The following ZNF503 variants were observed in gnomAD, a reference collection of about 807,000 sequenced individuals.
The protein encoded by ZNF503 is NocA-like zinc finger 2.
Under a neutral mutation model 34.4 loss-of-function variants are expected in ZNF503, and 15 were observed. The observed-to-expected ratio is 0.44, with a 90% CI of 0.29 to 0.67. The LOEUF (loss-of-function observed/expected upper bound fraction) is 0.67. ZNF503 is among the 30% of genes least tolerant of loss of function. The probability of loss-of-function intolerance (pLI) is 0.13; values close to 1 mark genes in which losing one functional copy is unlikely to be tolerated. For missense variants in ZNF503, 1,007 were observed against 926.8 expected, an observed-to-expected ratio of 1.09 and a Z score of -1.12; for synonymous variants, 580 against 456.8, an observed-to-expected ratio of 1.27 and a Z score of -3.44.
chr10:75,401,137 G>A lies in ZNF503; in HGVS notation c.283C>T (p.Pro95Ser), dbSNP rs752574413. Residue 95 changes from proline (P) to serine (S), a missense_variant, in exon 1 of 2, where the codon CCC (proline) becomes TCC (serine). Coordinates refer to ENST00000372524, the MANE Select transcript of ZNF503 (RefSeq NM_032772.6). ...GHILHPEYLQ[P>S]LPSTPVSPIE... is the part of the protein sequence containing the mutation. Reference sequence around the variant, plus strand: ...GGGCTGACCGGCGTGGAAGGCAGGGGCTGCAGGTACTCGGGGTGCAAAATG... The same window carrying A: ...GGGCTGACCGGCGTGGAAGGCAGGGACTGCAGGTACTCGGGGTGCAAAATG... 6.8e-6 allele frequency: 11 copies of A among 1,612,944 alleles called. No homozygotes were observed. The highest frequency in any genetic ancestry group is 9.3e-6 in the Non-Finnish European group (11 of 1,179,620).
chr10:75,281,859 C>A, the ZNF503 span, among the ~76,000 whole-genome samples: 1 of 152,212 alleles, frequency 6.6e-6, no homozygotes, highest in Non-Finnish European at 1.5e-5. Context: ...TTGAGGTAGG[C>A]AGACCCCAGA....
At chr10:75,326,649 A>ATT in the ZNF503 span, among the ~76,000 whole-genome samples, 6 of 147,146 alleles carry the variant, frequency 4.1e-5, no homozygotes, top group Admixed American at 2.0e-4. Context: ...TTATTGTTTT[A>ATT]TTTTTTTTTC....
chr10:75,378,390 C>G, the ZNF503 span, among the ~76,000 whole-genome samples: 1 of 152,164 alleles, frequency 6.6e-6, no homozygotes, highest in Non-Finnish European at 1.5e-5. Flanking sequence ...CCAAGCACCA[C>G]AGCCCTGGTG....
At chr10:75,392,005 A>C in the ZNF503 span, among the ~76,000 whole-genome samples, 1 of 152,196 alleles carries the variant, frequency 6.6e-6, no homozygotes. Flanking sequence ...GCGTTCCAGA[A>C]GGAGGTCACA....
the ZNF503 span, among the ~76,000 whole-genome samples, chr10:75,375,194 C>T: frequency 1.3e-5 from 2 of 152,138 alleles, no homozygotes; most frequent in South Asian, 2.1e-4. Flanking sequence ...AATCTCAGCT[C>T]ACTGCAACCC....
chr10:75,362,870 C>T, the ZNF503 span, among the ~76,000 whole-genome samples: 1 of 152,148 alleles, frequency 6.6e-6, no homozygotes, highest in Non-Finnish European at 1.5e-5. Flanking sequence ...TTCCTTCCTA[C>T]CTGGTCTTGT....
At chr10:75,376,994 C>T in the ZNF503 span, among the ~76,000 whole-genome samples, 1 of 152,172 alleles carries the variant, frequency 6.6e-6, no homozygotes, top group African/African-American at 2.4e-5. Context: ...CAAACTATAT[C>T]AGGTGTTCTC....
At chr10:75,320,303 G>A in the ZNF503 span, among the ~76,000 whole-genome samples, 1 of 151,258 alleles carries the variant, frequency 6.6e-6, no homozygotes, top group Non-Finnish European at 1.5e-5. Context: ...CCAATATGGT[G>A]AAACCCCGTC....
the ZNF503 span, among the ~76,000 whole-genome samples, chr10:75,381,242 G>C: frequency 2.6e-5 from 4 of 152,232 alleles, no homozygotes; most frequent in Non-Finnish European, 4.4e-5. Flanking sequence ...GTTTTGTTTT[G>C]AGACAGGGTC....
At chr10:75,293,162 G>A in the ZNF503 span, among the ~76,000 whole-genome samples, 1 of 152,202 alleles carries the variant, frequency 6.6e-6, no homozygotes, top group South Asian at 2.1e-4. Context: ...AGGGGGCTGT[G>A]TGTGGGGCAG....
chr10:75,387,813 C>G, the ZNF503 span, among the ~76,000 whole-genome samples: 1 of 152,192 alleles, frequency 6.6e-6, no homozygotes, highest in Non-Finnish European at 1.5e-5. Flanking sequence ...TAAACCATAT[C>G]TGGCTGGCAG....
the ZNF503 span, among the ~76,000 whole-genome samples, chr10:75,361,967 T>C: frequency 2.0e-5 from 3 of 152,110 alleles, no homozygotes; most frequent in African/African-American, 7.2e-5. Context: ...CAGAAAGCTG[T>C]TTTTGGGGAG....
chr10:75,341,649 A>C, the ZNF503 span, among the ~76,000 whole-genome samples: 1 of 152,222 alleles, frequency 6.6e-6, no homozygotes, highest in East Asian at 1.9e-4. Context: ...AATATTTATA[A>C]GCGAACACCC....
Position 75,401,200 on chromosome 10 carries a change from T to A in ZNF503, c.220A>T (p.Ile74Phe), listed in dbSNP as rs369149918. Residue 74 changes from isoleucine (I) to phenylalanine (F), a missense_variant, in exon 1 of 2, where the codon ATC becomes TTC. Transcript: ENST00000372524. ...GCCGTCAGCATCTTCAGCACCTTGATTGGCAGGCGGTTGGCCTGGCGCAGG... is the reference window on the plus strand; with the variant it reads ...GCCGTCAGCATCTTCAGCACCTTGAATGGCAGGCGGTTGGCCTGGCGCAGG... ...DPLRQANRLP[I>F]KVLKMLTART... 6.2e-7 allele frequency: 1 copy of A among 1,608,898 alleles called. No individual in the cohort carries two copies.
chr10:75,369,093 TG>T, the ZNF503 span, among the ~76,000 whole-genome samples: 1 of 152,212 alleles, frequency 6.6e-6, no homozygotes, highest in South Asian at 2.1e-4. Context: ...CATTATTAAG[TG>T]GGGGGAAAAA....
the ZNF503 span, chr10:75,338,530 C>G: frequency 6.6e-6 from 1 of 152,148 alleles, no homozygotes; most frequent in Non-Finnish European, 1.5e-5. Flanking sequence ...TAAAATTAAC[C>G]CTTTTCTGGT....
rs772844174 is a variant in ZNF503, at chr10:75,401,351, G to GCCT, written c.66_68dup (p.Gly27dup). 8 of 1,531,380 alleles carry GCCT rather than the reference G, an allele frequency of 5.2e-6. No homozygotes were observed. The East Asian group carries it at 2.0e-4, about 37-fold the overall frequency. The allele number at this position is 1,531,380 out of a possible 1,614,324, so 94.9% of individuals were successfully genotyped here. A position where few individuals can be genotyped will look rare whatever the true frequency, so the allele number is the denominator to read the frequency against. ...AGGCAGGGTCTGCACCGCCGCCTCC[G>GCCT]CCTCCGCCGCCGCCGCCGCCGCTGT... On this transcript the variant is annotated inframe_insertion, in exon 1 of 2. Transcript: ENST00000372524.
chr10:75,388,232 G>T, the ZNF503 span, among the ~76,000 whole-genome samples: 1 of 152,340 alleles, frequency 6.6e-6, no homozygotes, highest in African/African-American at 2.4e-5. Context: ...TGGGGCCAGT[G>T]GTGAGCTGGT....
chr10:75,340,143 C>T, the ZNF503 span, among the ~76,000 whole-genome samples: 1 of 10,978 alleles, frequency 9.1e-5, no homozygotes, highest in Admixed American at 1.3e-3. Context: ...GAATGGGGGC[C>T]TGGTGGTGGG....
Sources: gnomAD v4.1 joint callset for allele counts (sites outside exome capture counted in the v4.1 genomes callset) on GRCh38, gnomAD v4.1.1 for gene constraint, MANE v1.5 for transcripts, NCBI Gene and HGNC (gene_info 2026-07-23, HGNC 2026-07-21) for gene names.